Variants in ABCC9 observed in about 807,000 individuals in gnomAD.
ABCC9 encodes ATP binding cassette subfamily C member 9.
Under a neutral mutation model 188.3 loss-of-function variants are expected in ABCC9, and 95 were observed. The observed-to-expected ratio is 0.50, with a 90% confidence interval of 0.43 to 0.60. The LOEUF is 0.60. ABCC9 is among the 20% of genes least tolerant of loss of function. The probability of loss-of-function intolerance (pLI) is 0.00; values close to 1 mark genes in which losing one functional copy is unlikely to be tolerated. For missense variants in ABCC9, 1,102 were observed against 1,876.3 expected, an observed-to-expected ratio of 0.59 and a Z score of 7.62; for synonymous variants, 659 against 652.7, an observed-to-expected ratio of 1.01 and a Z score of -0.15.
chr12:21,934,021 G>C (rs748914616), intron 3 of ABCC9, 98 bp from the exon 4 acceptor site: 29 of 1,305,752 alleles, frequency 2.2e-5, no homozygotes, highest in Non-Finnish European at 2.7e-5. Context: ...AGGCAGGGGT[G>C]GGGGGGTCCT....
At position 21,860,954 on chromosome 12, in the gene ABCC9, A is replaced by T; in HGVS notation, c.2424+17T>A. The T allele has an allele frequency of 6.3e-7, 1 of 1,589,422 alleles. No homozygotes were observed. The highest frequency in any genetic ancestry group is 8.6e-7 in the Non-Finnish European group (1 of 1,158,274). On this transcript the variant is annotated intron_variant, in intron 21 of 39. Coordinates refer to ENST00000261200, the MANE Select transcript of ABCC9 (RefSeq NM_020297.4). ...TAGATTTTTGTTCATTGCTTAATGA[A>T]ACTATATATAGCTCACCCTCTCTCC...
chr12:21,921,304 G>A lies in ABCC9; in HGVS notation c.407-4201C>T, dbSNP rs189214041. Among the ~76,000 whole-genome samples the A allele has an allele frequency of 3.3e-3, 508 of 152,090 alleles. 2 individuals carry two copies. The highest frequency in any genetic ancestry group is 0.012 in the African/African-American group (492 of 41,516). Reference sequence around the variant, plus strand: ...TGATATCTCATTGTAGTTTTGATAAGCATTTCTCCGATGATCAGTGATATT... The same window carrying A: ...TGATATCTCATTGTAGTTTTGATAAACATTTCTCCGATGATCAGTGATATT... On this transcript the variant is annotated intron_variant, in intron 5 of 39. Coordinates refer to ENST00000261200, the MANE Select transcript of ABCC9 (RefSeq NM_020297.4).
intron 12 of ABCC9, among the ~76,000 whole-genome samples, chr12:21,905,173 A>G (rs940612073): frequency 6.6e-6 from 1 of 152,188 alleles, no homozygotes; most frequent in African/African-American, 2.4e-5. Flanking sequence ...TTGCAGGGAC[A>G]AAAAACCAAA....
chr12:21,915,648 G>A lies in ABCC9; in HGVS notation c.816+20C>T. On this transcript the variant is annotated intron_variant, in intron 7 of 39. Coordinates refer to ENST00000261200, the MANE Select transcript of ABCC9 (RefSeq NM_020297.4). ...ACCATTCTCTGTAATTAAGCACATG[G>A]AAGACAGACGCTAAATCACCTTTTG... 6.2e-7 allele frequency: 1 copy of A among 1,610,140 alleles called. No individual in the cohort carries two copies. Among genetic ancestry groups the A allele is most frequent in the South Asian group, 1.1e-5 (1 of 90,776 alleles).
At chr12:21,832,289 C>CG (rs764423818) in intron 30 of ABCC9, among the ~76,000 whole-genome samples, 44 of 152,214 alleles carry the variant, frequency 2.9e-4, no homozygotes, top group Non-Finnish European at 5.4e-4. Flanking sequence ...ACCCTCAATG[C>CG]GGGGGAGGAA....
At chr12:21,876,132 C>T (rs899448970) in intron 16 of ABCC9, among the ~76,000 whole-genome samples, 11 of 152,094 alleles carry the variant, frequency 7.2e-5, no homozygotes, top group African/African-American at 2.7e-4. Flanking sequence ...CGGTGAAATT[C>T]TGATTTAGAG....
chr12:21,891,137 C>G (rs1022012339), intron 14 of ABCC9, among the ~76,000 whole-genome samples: 6 of 152,134 alleles, frequency 3.9e-5, no homozygotes, highest in Admixed American at 2.0e-4. Context: ...TCTAACTAGG[C>G]TGTGGACTCC....
chr12:21,844,986 T>A, intron 26 of ABCC9, 71 bp from the exon 27 acceptor site: 3 of 1,543,110 alleles, frequency 1.9e-6, no homozygotes, highest in Non-Finnish European at 2.7e-6. Context: ...GAAAACCAAA[T>A]GTCAATGTCA....
At chr12:21,815,933 A>G in intron 33 of ABCC9, 40 bp from the exon 34 acceptor site, 1 of 1,561,276 alleles carries the variant, frequency 6.4e-7, no homozygotes, top group Non-Finnish European at 8.8e-7. Context: ...TAATAGGCAG[A>G]TAGAGATTGA....
At chr12:21,807,225 T>G (rs1265591202) in intron 38 of ABCC9, 121 bp downstream of exon 38, 2 of 1,348,690 alleles carry the variant, frequency 1.5e-6, no homozygotes, top group Non-Finnish European at 2.1e-6. Flanking sequence ...AGTAGATGAT[T>G]GAGCAGATTC....
chr12:21,831,724 C>T (rs539535691), intron 30 of ABCC9, among the ~76,000 whole-genome samples: 2 of 152,204 alleles, frequency 1.3e-5, no homozygotes, highest in East Asian at 3.9e-4. Context: ...AGGCATTCTA[C>T]GCAGCAGGAA....
chr12:21,884,013 T>C (rs933476441), intron 15 of ABCC9, among the ~76,000 whole-genome samples: 1 of 152,012 alleles, frequency 6.6e-6, no homozygotes, highest in African/African-American at 2.4e-5. Flanking sequence ...TCTGGAAAAA[T>C]TTTAAAGCTC....
At chr12:21,865,246 ATGT>A (rs948476433) in intron 18 of ABCC9, among the ~76,000 whole-genome samples, 10 of 152,102 alleles carry the variant, frequency 6.6e-5, no homozygotes, top group African/African-American at 2.4e-4. Context: ...ACTTTGCAAA[ATGT>A]TGTATGTTTT....
intron 2 of ABCC9, among the ~76,000 whole-genome samples, chr12:21,937,721 C>A (rs576076475): frequency 1.3e-5 from 2 of 152,286 alleles, no homozygotes; most frequent in Non-Finnish European, 2.9e-5. Flanking sequence ...ATCCTCAGAA[C>A]AACCTTGTAA....
chr12:21,872,519 G>A (rs563083325), intron 18 of ABCC9, 106 bp downstream of exon 18: 34 of 863,772 alleles, frequency 3.9e-5, no homozygotes, highest in South Asian at 8.5e-5. Context: ...TTATTTCTGC[G>A]TGGTCTTCAG....
intron 24 of ABCC9, 70 bp downstream of exon 24, chr12:21,852,027 T>C: frequency 6.4e-7 from 1 of 1,570,560 alleles, no homozygotes; most frequent in East Asian, 2.3e-5. Flanking sequence ...TAAAAAGCAT[T>C]CTTAGTAATT....
intron 18 of ABCC9, 122 bp downstream of exon 18, chr12:21,872,503 C>A: frequency 1.3e-6 from 1 of 749,740 alleles, no homozygotes; most frequent in Non-Finnish European, 2.3e-6. Flanking sequence ...TTTTTTAAAG[C>A]TGTGCTTATT....
chr12:21,934,617 G>A (rs1023814603), intron 3 of ABCC9, among the ~76,000 whole-genome samples: 1 of 150,410 alleles, frequency 6.6e-6, no homozygotes, highest in African/African-American at 2.4e-5. Context: ...TAGTTACTAC[G>A]TAGAGTAATA....
rs745323681 is a variant in ABCC9, at chr12:21,906,105, C to T, written c.1618+21G>A. ...CTGGTTGCCCTTAAAGTCGCCTGTTCTTAGAGCAACAGCAACTTACTGGAG... is the reference window on the plus strand; with the variant it reads ...CTGGTTGCCCTTAAAGTCGCCTGTTTTTAGAGCAACAGCAACTTACTGGAG... On this transcript the variant is annotated intron_variant, in intron 12 of 39. Transcript: ENST00000261200. 3.7e-6 allele frequency: 6 copies of T among 1,612,040 alleles called. No individual in the cohort carries two copies. In the South Asian group the frequency reaches 5.5e-5, roughly 15 times the overall value.
Sources: gnomAD v4.1 joint callset for allele counts (sites outside exome capture counted in the v4.1 genomes callset) on GRCh38, gnomAD v4.1.1 for gene constraint, MANE v1.5 for transcripts, NCBI Gene and HGNC (gene_info 2026-07-23, HGNC 2026-07-21) for gene names.